CHCHD6: variants seen among roughly 807,000 people sequenced by gnomAD.
CHCHD6 encodes the protein coiled-coil-helix-coiled-coil-helix domain containing 6, also known as MICOS complex subunit MIC25.
Under a neutral mutation model 32.3 loss-of-function variants are expected in CHCHD6, and 28 were observed. That is an observed-to-expected ratio of 0.87 (90% CI 0.64 to 1.19). The LOEUF is 1.19. Among genes scored for constraint, CHCHD6 ranks in the 50% most tolerant of loss-of-function variants. The pLI, the probability that CHCHD6 is intolerant of heterozygous loss-of-function variation, is 0.00. For missense variants in CHCHD6, 333 were observed against 307.0 expected (o/e 1.08, Z -0.63); for synonymous variants, 122 against 117.5 (o/e 1.04, Z -0.25).
At chr3:126,767,305 C>T (rs1008402270) in intron 4 of CHCHD6, 28 of 1,096,876 alleles carry the variant, frequency 2.6e-5, no homozygotes, top group African/African-American at 1.1e-4. Flanking sequence ...TCTCCCCAAA[C>T]GCAAACACGG....
At chr3:126,850,478 G>A (rs549178558) in intron 4 of CHCHD6, among the ~76,000 whole-genome samples, 9 of 152,186 alleles carry the variant, frequency 5.9e-5, no homozygotes, top group African/African-American at 9.7e-5. Flanking sequence ...TCACATAGAC[G>A]TCCTGCTGGC....
intron 4 of CHCHD6, among the ~76,000 whole-genome samples, chr3:126,809,421 T>C (rs184949404): frequency 2.2e-3 from 338 of 152,308 alleles, no homozygotes; most frequent in African/African-American, 6.8e-3. Context: ...ATTTCACTTG[T>C]TTAAAATTTC....
rs375938308 is a variant in CHCHD6, at chr3:126,704,405, C to A, written c.87+6C>A. On this transcript the variant is annotated splice_donor_region_variant and intron_variant, in intron 1 of 7. Coordinates refer to ENST00000290913, the MANE Select transcript of CHCHD6 (RefSeq NM_032343.3). ...GGGTGCTGCAGGGTGTCCGGGTGAG[C>A]GGCGCCGCCTGGGCCGGGGCGGGCG... 1.3e-6 allele frequency: 2 copies of A among 1,518,800 alleles called. No individual in the cohort carries two copies. Among genetic ancestry groups the A allele is most frequent in the Non-Finnish European group, 1.8e-6 (2 of 1,134,324 alleles). The allele number at this position is 1,518,800 out of a possible 1,614,324, so 94.1% of individuals were successfully genotyped here.
intron 4 of CHCHD6, among the ~76,000 whole-genome samples, chr3:126,839,459 G>A (rs1305020440): frequency 6.6e-6 from 1 of 152,190 alleles, no homozygotes; most frequent in Non-Finnish European, 1.5e-5. Context: ...GGGAATGTAT[G>A]TAGCTGTGTG....
At chr3:126,940,876 A>G (rs2078549905) in intron 6 of CHCHD6, among the ~76,000 whole-genome samples, 1 of 152,122 alleles carries the variant, frequency 6.6e-6, no homozygotes, top group South Asian at 2.1e-4. Flanking sequence ...TTGTTTACTT[A>G]CAGCCTTTCC....
At chr3:126,857,716 A>G (rs1224367398) in intron 5 of CHCHD6, among the ~76,000 whole-genome samples, 3 of 152,236 alleles carry the variant, frequency 2.0e-5, no homozygotes, top group African/African-American at 7.2e-5. Flanking sequence ...CAGCCTCACT[A>G]CATATCAGGG....
At chr3:126,865,466 C>T in intron 5 of CHCHD6, 1 of 623,488 alleles carries the variant, frequency 1.6e-6, no homozygotes, top group Non-Finnish European at 2.0e-6. Context: ...CCAGTGCCTA[C>T]ACTTTCATCA....
intron 5 of CHCHD6, among the ~76,000 whole-genome samples, chr3:126,893,272 T>C (rs935514119): frequency 7.2e-5 from 11 of 152,234 alleles, no homozygotes; most frequent in African/African-American, 2.2e-4. Flanking sequence ...AGCTGATTTA[T>C]TTTTAATTGA....
At chr3:126,936,271 C>T (rs1043291573) in intron 6 of CHCHD6, among the ~76,000 whole-genome samples, 1 of 151,880 alleles carries the variant, frequency 6.6e-6, no homozygotes, top group Non-Finnish European at 1.5e-5. Context: ...GTGATGCTGC[C>T]CTTGCAGAGC....
chr3:126,883,686 C>T (rs563316503), intron 5 of CHCHD6, among the ~76,000 whole-genome samples: 2 of 152,352 alleles, frequency 1.3e-5, no homozygotes, highest in East Asian at 1.9e-4. Context: ...CCCCTGCTGC[C>T]TTTGACCAAA....
chr3:126,783,987 G>T lies in CHCHD6; in HGVS notation c.411+50765G>T, dbSNP rs182149130. Among the ~76,000 whole-genome samples, 6 of 152,216 alleles carry T rather than the reference G, an allele frequency of 3.9e-5. No homozygotes were observed. In the East Asian group the frequency reaches 9.6e-4, roughly 24 times the overall value. On this transcript the variant is annotated intron_variant, in intron 4 of 7. Transcript: ENST00000290913. ...CTCTTAATATGAATGGGGAGAATCT[G>T]TTTGAACCTTTTTTTGTATCCCCAC...
chr3:126,860,065 A>G (rs73203695), intron 5 of CHCHD6, among the ~76,000 whole-genome samples: 18,173 of 151,960 alleles, frequency 0.12, 1,317 homozygotes, highest in Middle Eastern at 0.28. Flanking sequence ...CGGTCACTCC[A>G]ATGTGGCCAG....
intron 5 of CHCHD6, among the ~76,000 whole-genome samples, chr3:126,873,167 G>T (rs966217060): frequency 2.0e-5 from 3 of 152,218 alleles, no homozygotes; most frequent in African/African-American, 7.2e-5. Flanking sequence ...AGAATAAGTG[G>T]AGGCCATGCG....
chr3:126,943,264 A>T (rs1417128579), intron 6 of CHCHD6, among the ~76,000 whole-genome samples: 1 of 152,202 alleles, frequency 6.6e-6, no homozygotes, highest in Non-Finnish European at 1.5e-5. Flanking sequence ...CAATTGAAGG[A>T]CAAGGCTTTC....
At chr3:126,871,704 C>T (rs1199107306) in intron 5 of CHCHD6, among the ~76,000 whole-genome samples, 6 of 133,558 alleles carry the variant, frequency 4.5e-5, no homozygotes, top group Non-Finnish European at 7.7e-5. Context: ...CTCACTCTGT[C>T]GCCCAGGCTG....
At chr3:126,759,069 C>T (rs1463034550) in intron 4 of CHCHD6, among the ~76,000 whole-genome samples, 1 of 152,214 alleles carries the variant, frequency 6.6e-6, no homozygotes, top group Non-Finnish European at 1.5e-5. Flanking sequence ...CAGTCCAGCC[C>T]TGCGGCCTCC....
At chr3:126,934,453 T>C (rs2078448541) in intron 6 of CHCHD6, among the ~76,000 whole-genome samples, 1 of 151,138 alleles carries the variant, frequency 6.6e-6, no homozygotes, top group Non-Finnish European at 1.5e-5. Context: ...TTCCGGGCAC[T>C]GTGTCACTGT....
intron 6 of CHCHD6, among the ~76,000 whole-genome samples, chr3:126,916,522 A>G (rs1216289141): frequency 6.6e-6 from 1 of 152,214 alleles, no homozygotes; most frequent in Non-Finnish European, 1.5e-5. Context: ...GTGTTGAGGT[A>G]GAAGCCCAGC....
chr3:126,911,014 T>G (rs977203411), intron 5 of CHCHD6, among the ~76,000 whole-genome samples: 2 of 152,228 alleles, frequency 1.3e-5, no homozygotes, highest in African/African-American at 4.8e-5. Flanking sequence ...CTTTCCATTT[T>G]TGTTTTTTAA....
Sources: allele counts gnomAD v4.1 joint callset (sites outside exome capture counted in the v4.1 genomes callset), GRCh38; gene constraint gnomAD v4.1.1; transcripts MANE v1.5; gene names NCBI Gene and HGNC (gene_info 2026-07-23, HGNC 2026-07-21).